The following TLE4 variants were observed in gnomAD, a reference collection of about 807,000 sequenced individuals.
TLE4 encodes the protein TLE family member 4, transcriptional corepressor, also known as transducin-like enhancer protein 4.
In TLE4, 8 loss-of-function variants were observed where a neutral mutation model predicts 92.8. The ratio of observed to expected loss-of-function variants is 0.09; its 90% CI spans 0.05 to 0.16. The LOEUF is 0.16. Ranked by LOEUF, TLE4 falls within the 10% of genes least tolerant of loss-of-function variation. The pLI is 1.00. For missense variants in TLE4, 675 were observed against 997.6 expected (o/e 0.68, Z 4.36); for synonymous variants, 371 against 374.1 (o/e 0.99, Z 0.10).
At chr9:79,664,116 G>A (rs1208694370) in intron 8 of TLE4, among the ~76,000 whole-genome samples, 2 of 152,222 alleles carry the variant, frequency 1.3e-5, no homozygotes, top group Non-Finnish European at 2.9e-5. Context: ...GCGTGCAGAG[G>A]GGTAATCTGG....
In TLE4 at chr9:79,706,847, C is replaced by G; in HGVS notation, c.884C>G (p.Ser295Cys). ...LKKDAPISPA[S>C]IASSSSTPSS... The stretch of plus-strand genomic sequence containing the variant: ...AAAGATGCCCCGATTAGTCCAGCCT[C>G]TATTGCATCTTCCAGCAGTACTCCC... Residue 295 changes from serine (S) to cysteine (C), a missense_variant, in exon 11 of 20, where the codon TCT becomes TGT. By Grantham distance (112) the Ser-to-Cys change is moderately radical. Coordinates refer to ENST00000376552, the MANE Select transcript of TLE4 (RefSeq NM_007005.6). The G allele has an allele frequency of 6.2e-7, 1 of 1,614,208 alleles. No homozygotes were observed. The highest frequency in any genetic ancestry group is 8.5e-7 in the Non-Finnish European group (1 of 1,180,040).
chr9:79,626,250 A>G (rs962213569), intron 5 of TLE4, among the ~76,000 whole-genome samples: 2 of 152,188 alleles, frequency 1.3e-5, no homozygotes, highest in Admixed American at 1.3e-4. Flanking sequence ...CAGGTGGTTC[A>G]CGGAGAATTC....
At chr9:79,638,977 G>A (rs576919959) in intron 6 of TLE4, among the ~76,000 whole-genome samples, 3 of 152,144 alleles carry the variant, frequency 2.0e-5, no homozygotes, top group South Asian at 4.2e-4. Flanking sequence ...CTTCCTTACA[G>A]AAGAACTGTG....
intron 5 of TLE4, among the ~76,000 whole-genome samples, chr9:79,620,225 G>C (rs17082582): frequency 0.019 from 2,882 of 152,302 alleles, 99 homozygotes; most frequent in African/African-American, 0.063. Context: ...CTTGAGTAGA[G>C]CTGCATTGTC....
intron 8 of TLE4, among the ~76,000 whole-genome samples, chr9:79,670,347 C>G (rs2062097021): frequency 6.6e-6 from 1 of 152,042 alleles, no homozygotes; most frequent in South Asian, 2.1e-4. Flanking sequence ...ACAAAAGGCT[C>G]ACAAATGAAA....
chr9:79,573,498 G>C, intron 1 of TLE4, 191 bp from the exon 2 acceptor site: 1 of 889,366 alleles, frequency 1.1e-6, no homozygotes, highest in Non-Finnish European at 1.5e-6. Context: ...CGGGGCCCCA[G>C]GACCACCTCG....
intron 8 of TLE4, among the ~76,000 whole-genome samples, chr9:79,666,320 T>G (rs1438678883): frequency 1.3e-5 from 2 of 150,914 alleles, no homozygotes; most frequent in African/African-American, 4.9e-5. Context: ...CTCTGTCTCC[T>G]GGGTTCAAAC....
intron 8 of TLE4, among the ~76,000 whole-genome samples, chr9:79,659,899 C>T (rs1201007257): frequency 6.6e-6 from 1 of 152,156 alleles, no homozygotes; most frequent in African/African-American, 2.4e-5. Context: ...GCCTGTGTTT[C>T]AAGGTTAAAG....
At chr9:79,643,838 T>C (rs2057619404) in intron 6 of TLE4, among the ~76,000 whole-genome samples, 1 of 152,188 alleles carries the variant, frequency 6.6e-6, no homozygotes, top group African/African-American at 2.4e-5. Flanking sequence ...ACATTTGACA[T>C]GGTAAAACAG....
intron 8 of TLE4, among the ~76,000 whole-genome samples, chr9:79,656,137 A>G (rs986346804): frequency 6.6e-6 from 1 of 152,176 alleles, no homozygotes; most frequent in Admixed American, 6.5e-5. Context: ...GGACTGTCCT[A>G]TAGTTCTACA....
At chr9:79,612,430 G>A (rs936786748) in intron 4 of TLE4, among the ~76,000 whole-genome samples, 3 of 152,038 alleles carry the variant, frequency 2.0e-5, no homozygotes, top group Non-Finnish European at 2.9e-5. Flanking sequence ...ATGCTTGAAG[G>A]TTAACTTTTT....
At chr9:79,626,269 A>G (rs571298776) in intron 5 of TLE4, among the ~76,000 whole-genome samples, 103 of 152,276 alleles carry the variant, frequency 6.8e-4, no homozygotes, top group African/African-American at 2.3e-3. Flanking sequence ...TCCACATTGA[A>G]CTGATAGCTC....
chr9:79,676,857 T>C (rs1192048474), intron 8 of TLE4, among the ~76,000 whole-genome samples: 1 of 152,178 alleles, frequency 6.6e-6, no homozygotes, highest in African/African-American at 2.4e-5. Context: ...TTGAGCTAAA[T>C]GTTATTCTAT....
At chr9:79,580,673 G>T (rs1401608601) in intron 4 of TLE4, among the ~76,000 whole-genome samples, 1 of 150,182 alleles carries the variant, frequency 6.7e-6, no homozygotes, top group African/African-American at 2.4e-5. Context: ...AGGTGTTTTA[G>T]TATGGAGGCA....
chr9:79,612,634 T>C, intron 4 of TLE4, 22 bp from the exon 5 acceptor site: 1 of 1,609,602 alleles, frequency 6.2e-7, no homozygotes, highest in Non-Finnish European at 8.5e-7. Context: ...TTTATTGCTT[T>C]CCTTTCCCTT....
At chr9:79,610,748 A>G (rs1356845372) in intron 4 of TLE4, among the ~76,000 whole-genome samples, 2 of 152,148 alleles carry the variant, frequency 1.3e-5, no homozygotes, top group Admixed American at 1.3e-4. Context: ...AAGAAAATGT[A>G]GAATTTTTTT....
chr9:79,619,901 A>G (rs550526052), intron 5 of TLE4, among the ~76,000 whole-genome samples: 38 of 152,328 alleles, frequency 2.5e-4, no homozygotes, highest in African/African-American at 9.1e-4. Flanking sequence ...CAGAGAGCGT[A>G]ATTCTGTCCC....
In TLE4 at chr9:79,704,848, C is replaced by T; in HGVS notation, c.675C>T (p.Tyr225=). The T allele has an allele frequency of 6.2e-7, 1 of 1,614,198 alleles. No homozygotes were observed. Among genetic ancestry groups the T allele is most frequent in the Non-Finnish European group, 8.5e-7 (1 of 1,180,036 alleles). Residue 225 remains tyrosine, a synonymous_variant, in exon 9 of 20, where the codon TAC becomes TAT. Transcript: ENST00000376552. ...GAEKHRNSAD[Y]SSESKKQKTE... ...AGAAGCACAGAAACTCCGCAGACTA[C>T]TCCTCAGAGAGCAAAAAGCAGAAAA...
chr9:79,712,690 T>C (rs2073621427), intron 14 of TLE4, among the ~76,000 whole-genome samples: 1 of 152,254 alleles, frequency 6.6e-6, no homozygotes, highest in South Asian at 2.1e-4. Flanking sequence ...TCCTCTTGTC[T>C]GCTCAGGTGA....
Sources: gnomAD v4.1 joint callset for allele counts (sites outside exome capture counted in the v4.1 genomes callset) on GRCh38, gnomAD v4.1.1 for gene constraint, MANE v1.5 for transcripts, NCBI Gene and HGNC (gene_info 2026-07-23, HGNC 2026-07-21) for gene names.